The following ZNF800 variants were observed in gnomAD, a reference collection of about 807,000 sequenced individuals.
ZNF800 encodes zinc finger protein 800.
ZNF800 carries 13 observed loss-of-function variants against 59.5 expected under a neutral mutation model. The ratio of observed to expected loss-of-function variants is 0.22; its 90% CI spans 0.14 to 0.35. ZNF800 has a LOEUF of 0.35. Ranked by LOEUF, ZNF800 falls within the 10% of genes least tolerant of loss-of-function variation. The pLI, the probability that ZNF800 is intolerant of heterozygous loss-of-function variation, is 1.00. For missense variants in ZNF800, 621 were observed against 783.7 expected (o/e 0.79, Z 2.48); for synonymous variants, 266 against 265.7 (o/e 1.00, Z -0.01).
intron 3 of ZNF800, among the ~76,000 whole-genome samples, chr7:127,382,124 A>T (rs1800995659): frequency 6.6e-6 from 1 of 152,264 alleles, no homozygotes; most frequent in East Asian, 1.9e-4. Context: ...TTTTTCTACA[A>T]ATTATATATT....
At chr7:127,376,177 T>C (rs1221860038) in intron 4 of ZNF800, among the ~76,000 whole-genome samples, 1 of 151,918 alleles carries the variant, frequency 6.6e-6, no homozygotes, top group Non-Finnish European at 1.5e-5. Context: ...CAGGTAAATA[T>C]AAAATTTGTA....
chr7:127,367,364 C>A (rs566040161), downstream of ZNF800, among the ~76,000 whole-genome samples: 2 of 152,250 alleles, frequency 1.3e-5, no homozygotes, highest in South Asian at 4.1e-4. Flanking sequence ...TATGCATTTA[C>A]ACGCCAATTA....
exon 2 of ZNF800, chr7:127,347,450 T>G (rs1800087832): frequency 6.6e-6 from 1 of 151,982 alleles, no homozygotes; most frequent in South Asian, 2.1e-4. Context: ...AAGGTTCAAG[T>G]AGGAGCTAGT....
intron 3 of ZNF800, among the ~76,000 whole-genome samples, chr7:127,380,441 T>C (rs1800942122): frequency 6.6e-6 from 1 of 152,240 alleles, no homozygotes; most frequent in South Asian, 2.1e-4. Context: ...TAATTCCACT[T>C]ACATAGTTAA....
intron 3 of ZNF800, among the ~76,000 whole-genome samples, chr7:127,381,513 A>G (rs1800976782): frequency 6.6e-6 from 1 of 152,130 alleles, no homozygotes; most frequent in Non-Finnish European, 1.5e-5. Flanking sequence ...TTATCTTAGG[A>G]CAGTGCCTAC....
chr7:127,357,201 T>C (rs1449395239), intron 1 of ZNF800, among the ~76,000 whole-genome samples: 1 of 151,984 alleles, frequency 6.6e-6, no homozygotes, highest in Non-Finnish European at 1.5e-5. Context: ...GTTTTCTAGA[T>C]GGCAAGATCA....
intron 3 of ZNF800, among the ~76,000 whole-genome samples, chr7:127,382,904 A>C (rs1801015650): frequency 6.6e-6 from 1 of 152,220 alleles, no homozygotes; most frequent in Non-Finnish European, 1.5e-5. Context: ...ATAGAAACTT[A>C]TTTTTTCCTC....
In ZNF800 at chr7:127,377,071, T is replaced by C; in HGVS notation, c.301+115A>G. On this transcript the variant is annotated intron_variant, in intron 4 of 5. Transcript: ENST00000265827. The surrounding 1 kb of genome is among the most constrained non-coding windows in gnomAD (Gnocchi z 4.7). ...TCTCCATCTAAAAATTATCTGTAAC[T>C]AGACATCATTATCAAATTATCAGTA... The C allele has an allele frequency of 1.1e-6, 1 of 947,468 alleles. No homozygotes were observed. Among genetic ancestry groups the C allele is most frequent in the Non-Finnish European group, 1.5e-6 (1 of 652,980 alleles). The allele number at this position is 947,468 out of a possible 1,614,324, so 58.7% of individuals were successfully genotyped here. A position where few individuals can be genotyped will look rare whatever the true frequency, so the allele number is the denominator to read the frequency against.
At chr7:127,348,924 A>G (rs1057020269) in intron 1 of ZNF800, among the ~76,000 whole-genome samples, 40 of 152,242 alleles carry the variant, frequency 2.6e-4, no homozygotes, top group African/African-American at 9.4e-4. Context: ...AGTCCACAAA[A>G]GTAGTTTATC....
intron 3 of ZNF800, among the ~76,000 whole-genome samples, chr7:127,381,920 T>G (rs1476378040): frequency 1.3e-5 from 2 of 151,898 alleles, no homozygotes; most frequent in Admixed American, 6.6e-5. Context: ...ATTAAAGTTG[T>G]TTTAAGGAGA....
chr7:127,386,918 T>C (rs1414642748), intron 2 of ZNF800, among the ~76,000 whole-genome samples: 1 of 151,834 alleles, frequency 6.6e-6, no homozygotes, highest in East Asian at 1.9e-4. Context: ...TGCAGAAATA[T>C]ATAAATTTAA....
At chr7:127,343,918 T>C (rs1171559325), downstream of ZNF800, among the ~76,000 whole-genome samples, 1 of 152,034 alleles carries the variant, frequency 6.6e-6, no homozygotes, top group Admixed American at 6.5e-5. Flanking sequence ...TTAATATAAT[T>C]GAACAACTTC....
At chr7:127,345,221 G>A (rs986559396), downstream of ZNF800, among the ~76,000 whole-genome samples, 16 of 152,036 alleles carry the variant, frequency 1.1e-4, no homozygotes, top group Admixed American at 2.6e-4. Context: ...TGCTACAGGC[G>A]GAGAATACAA....
At position 127,374,650 on chromosome 7, in the gene ZNF800, T is replaced by C. The variant is rs146727677; in HGVS notation, c.686A>G (p.Gln229Arg). Residue 229 changes from glutamine (Q) to arginine (R), a missense_variant, in exon 5 of 6, where the codon CAG becomes CGG. Around this residue, in one of 7 missense-constraint regions of ZNF800, gnomAD observed 218 missense variants for 230.8 expected, o/e 0.94. Coordinates refer to ENST00000265827, the MANE Select transcript of ZNF800 (RefSeq NM_176814.5). The part of the protein sequence containing the change: ...ETSDNSDFGH[Q>R]LICCLCRKEF... Reference sequence around the variant, plus strand: ...TTTTCTACAAAGACAACATATCAACTGGTGACCAAAATCAGAATTGTCAGA... The same window carrying C: ...TTTTCTACAAAGACAACATATCAACCGGTGACCAAAATCAGAATTGTCAGA... The C allele has an allele frequency of 1.4e-5, 22 of 1,613,908 alleles. No individual in the cohort carries two copies. In the Middle Eastern group the frequency reaches 6.6e-4, roughly 48 times the overall value.
chr7:127,355,568 C>T (rs936661646), intron 1 of ZNF800, among the ~76,000 whole-genome samples: 5 of 151,840 alleles, frequency 3.3e-5, no homozygotes, highest in African/African-American at 9.7e-5. Context: ...TTGAAGTCTA[C>T]GTAATAAGCA....
Position 127,373,647 on chromosome 7 carries a change from C to T in ZNF800, c.1689G>A (p.Lys563=), listed in dbSNP as rs775929057. 16 of 1,613,906 alleles carry T rather than the reference C, an allele frequency of 9.9e-6. No homozygotes were observed. Among genetic ancestry groups the T allele is most frequent in the Non-Finnish European group, 1.1e-5 (13 of 1,179,998 alleles). The change falls in exon 5 of 6, where the codon AAG becomes AAA. Residue 563 remains lysine (K), a synonymous_variant. Transcript: ENST00000265827. The part of the protein sequence containing the change: ...TASLEIRAIK[K]PIDFVLNKVA... Reference sequence around the variant, plus strand: ...CTTTATTTAGAACAAAATCAATAGGCTTTTTTATAGCTCTGATCTCTAAAC... The same window carrying T: ...CTTTATTTAGAACAAAATCAATAGGTTTTTTTATAGCTCTGATCTCTAAAC...
chr7:127,369,479 A>T (rs756088047), downstream of ZNF800, among the ~76,000 whole-genome samples: 1 of 152,136 alleles, frequency 6.6e-6, no homozygotes, highest in Non-Finnish European at 1.5e-5. Flanking sequence ...GCTCAAGTCA[A>T]ATCAGGAAGG....
intron 1 of ZNF800, chr7:127,361,939 A>T (rs1800401017): frequency 6.6e-6 from 1 of 152,142 alleles, no homozygotes; most frequent in South Asian, 2.1e-4. Context: ...GCTGATACCA[A>T]GTAAAAAGCT....
rs1800694469 is a variant in ZNF800, at chr7:127,373,527, A to T, written c.1809T>A (p.Ala603=). The change falls in exon 5 of 6, where the codon GCT becomes GCA. Residue 603 remains alanine, a synonymous_variant. Coordinates refer to ENST00000265827, the MANE Select transcript of ZNF800 (RefSeq NM_176814.5). ...TGACTTTTACTTCAATACCGACGTC[A>T]GCTACTTCATACTTTTTACTAGGAG... ...SNSPSKKYEV[A]DVGIEVKVTK... 1 of 1,614,074 alleles carries T rather than the reference A, an allele frequency of 6.2e-7. No homozygotes were observed. Among genetic ancestry groups the T allele is most frequent in the South Asian group, 1.1e-5 (1 of 91,084 alleles).
Sources: allele counts gnomAD v4.1 joint callset (sites outside exome capture counted in the v4.1 genomes callset), GRCh38; gene constraint gnomAD v4.1.1; regional missense constraint gnomAD v4.1.1; non-coding constraint Gnocchi (gnomAD v3.1); transcripts MANE v1.5; gene names NCBI Gene and HGNC (gene_info 2026-07-23, HGNC 2026-07-21).